ATP11A: variants seen among roughly 807,000 people sequenced by gnomAD.
ATP11A encodes ATPase phospholipid transporting 11A, also known as phospholipid-transporting ATPase IH.
ATP11A carries 81 observed loss-of-function variants against 154.4 expected under a neutral mutation model. That is an observed-to-expected ratio of 0.52 (90% CI 0.44 to 0.63). The LOEUF is 0.63. Among genes scored for constraint, ATP11A ranks in the 30% least tolerant of loss-of-function variants. The probability of loss-of-function intolerance (pLI) is 0.00; values close to 1 mark genes in which losing one functional copy is unlikely to be tolerated. For missense variants in ATP11A, 1,316 were observed against 1,474.3 expected (o/e 0.89, Z 1.76); for synonymous variants, 623 against 585.9 (o/e 1.06, Z -0.91).
At position 112,785,267 on chromosome 13, in the gene ATP11A, C is replaced by A; in HGVS notation, c.162+10C>A. On this transcript the variant is annotated intron_variant, in intron 2 of 29. Coordinates refer to ENST00000375645, the MANE Select transcript of ATP11A (RefSeq NM_015205.3). The surrounding 1 kb of genome is among the most constrained non-coding windows in gnomAD (Gnocchi z 4.8). ...GATCGTCTCGTCCAAGGTAACTTGG[C>A]TTGGGTCTGAGTGTCCATAATGTGT... 6.7e-7 allele frequency: 1 copy of A among 1,501,644 alleles called. No homozygotes were observed. Among genetic ancestry groups the A allele is most frequent in the Non-Finnish European group, 8.9e-7 (1 of 1,124,476 alleles). 93.0% of individuals were successfully genotyped at this position (1,501,644 alleles called of 1,614,324 possible).
At chr13:112,850,897 A>T in intron 17 of ATP11A, 140 bp from the exon 18 acceptor site, 1 of 692,656 alleles carries the variant, frequency 1.4e-6, no homozygotes, top group Non-Finnish European at 2.5e-6. Context: ...TTGTTTACTT[A>T]GTACTGTAAG....
At chr13:112,805,692 G>T (rs1196985668) in intron 3 of ATP11A, among the ~76,000 whole-genome samples, 1 of 142,538 alleles carries the variant, frequency 7.0e-6, no homozygotes, top group Non-Finnish European at 1.5e-5. Flanking sequence ...AAAAAAAAGA[G>T]AAAGAAAAAG....
intron 2 of ATP11A, among the ~76,000 whole-genome samples, chr13:112,799,372 T>TG (rs1402858271): frequency 1.3e-5 from 2 of 152,150 alleles, no homozygotes; most frequent in African/African-American, 4.8e-5. Flanking sequence ...TTTATTCACT[T>TG]GGATGCAAGT....
intron 3 of ATP11A, among the ~76,000 whole-genome samples, chr13:112,805,686 A>G (rs1346501061): frequency 6.6e-6 from 1 of 151,792 alleles, no homozygotes; most frequent in African/African-American, 2.4e-5. Context: ...AAAAAAAAAA[A>G]AAAGAGAAAG....
At chr13:112,858,475 A>C (rs1016881268) in intron 22 of ATP11A, 185 bp downstream of exon 22, 7 of 607,678 alleles carry the variant, frequency 1.2e-5, no homozygotes, top group Non-Finnish European at 1.6e-5. Flanking sequence ...TGCTTTTTAC[A>C]GTTTCCATTA....
At chr13:112,749,636 T>C (rs1435362035) in intron 1 of ATP11A, among the ~76,000 whole-genome samples, 1 of 152,258 alleles carries the variant, frequency 6.6e-6, no homozygotes, top group Non-Finnish European at 1.5e-5. Context: ...GTGGATACTG[T>C]GTTAGGAAGA....
rs940507362 is a variant in ATP11A, at chr13:112,885,836, C to G, written c.*3970C>G. Reference sequence around the variant, plus strand: ...CATGCCTCCCTGGGATGAAGAGTCCCCCTCCTGGCAGAATGTCTGGGCTTT... The same window carrying G: ...CATGCCTCCCTGGGATGAAGAGTCCGCCTCCTGGCAGAATGTCTGGGCTTT... On this transcript the variant is annotated 3_prime_UTR_variant, in exon 30 of 30. Coordinates refer to ENST00000375645, the MANE Select transcript of ATP11A (RefSeq NM_015205.3). 7.2e-5 allele frequency: 11 copies of G among 152,324 alleles called. No individual in the cohort carries two copies. Among genetic ancestry groups the G allele is most frequent in the African/African-American group, 2.4e-4 (10 of 41,478 alleles). 9.4% of individuals were successfully genotyped at this position (152,324 alleles called of 1,614,324 possible).
intron 29 of ATP11A, 133 bp downstream of exon 29, chr13:112,878,436 C>T (rs1282853592): frequency 3.5e-6 from 3 of 848,886 alleles, no homozygotes; most frequent in African/African-American, 1.7e-5. Flanking sequence ...AGCCTCACGT[C>T]GGGAAGTCCC....
chr13:112,755,020 G>T, intron 1 of ATP11A, among the ~76,000 whole-genome samples: 1 of 152,230 alleles, frequency 6.6e-6, no homozygotes, highest in East Asian at 1.9e-4. Context: ...AGTGCCAGCT[G>T]TGCCCTAGTA....
At chr13:112,719,319 G>A (rs1365567041) in intron 1 of ATP11A, among the ~76,000 whole-genome samples, 1 of 152,188 alleles carries the variant, frequency 6.6e-6, no homozygotes, top group Non-Finnish European at 1.5e-5. Context: ...AAGACTCAAT[G>A]CCTTGCATGC....
intron 6 of ATP11A, among the ~76,000 whole-genome samples, chr13:112,817,521 G>T (rs2078677351): frequency 6.6e-6 from 1 of 152,192 alleles, no homozygotes; most frequent in Admixed American, 6.5e-5. Context: ...GCGGGTGTTG[G>T]TCCCTCTGGA....
chr13:112,726,874 A>C lies in ATP11A; in HGVS notation c.39+36419A>C, dbSNP rs184107420. ...CTACTGTAGGTCCTCTGAATAAATA[A>C]TTGTAAAGACATCTTCCTTGGGACA... On this transcript the variant is annotated intron_variant, in intron 1 of 29. Transcript: ENST00000375645. Among the ~76,000 whole-genome samples the C allele has an allele frequency of 9.9e-4, 151 of 152,340 alleles. 2 individuals carry two copies. Among genetic ancestry groups the C allele is most frequent in the African/African-American group, 3.3e-3 (137 of 41,584 alleles).
chr13:112,821,518 C>T (rs1013320932), intron 8 of ATP11A, among the ~76,000 whole-genome samples: 2 of 152,108 alleles, frequency 1.3e-5, no homozygotes, highest in Non-Finnish European at 2.9e-5. Flanking sequence ...TTTGCCATGT[C>T]GGTCAAGCTA....
In ATP11A at chr13:112,883,168, C is replaced by T. The variant is rs889892910; in HGVS notation, c.*1302C>T. The T allele has an allele frequency of 2.5e-6, 1 of 398,556 alleles. No individual in the cohort carries two copies. Among genetic ancestry groups the T allele is most frequent in the Admixed American group, 4.4e-5 (1 of 22,718 alleles). The allele number at this position is 398,556 out of a possible 1,614,324, so 24.7% of individuals were successfully genotyped here. ...TCCCCTTGTCCCGTCCCCACATACC[C>T]TCGTCCCCATGTCCCCACGCAGGGC... On this transcript the variant is annotated 3_prime_UTR_variant, in exon 30 of 30. Coordinates refer to ENST00000375645, the MANE Select transcript of ATP11A (RefSeq NM_015205.3).
rs972709860 is a variant in ATP11A at position 112,697,488 on chromosome 13, G to T, written c.39+7033G>T. Among the ~76,000 whole-genome samples the T allele has an allele frequency of 6.6e-6, 1 of 152,146 alleles. No homozygotes were observed. The highest frequency in any genetic ancestry group is 2.4e-5 in the African/African-American group (1 of 41,426). On this transcript the variant is annotated intron_variant, in intron 1 of 29. Transcript: ENST00000375645. The surrounding 1 kb of genome is among the most constrained non-coding windows in gnomAD (Gnocchi z 4.0). ...GGAAGGGAATTCAGGGAGAGCAGCCGCAGTGCCCTGTCCCCAGAGCCTGGT... is the reference window on the plus strand; with the variant it reads ...GGAAGGGAATTCAGGGAGAGCAGCCTCAGTGCCCTGTCCCCAGAGCCTGGT...
chr13:112,834,186 G>C (rs2079171320), intron 14 of ATP11A, among the ~76,000 whole-genome samples: 2 of 152,224 alleles, frequency 1.3e-5, no homozygotes, highest in Non-Finnish European at 2.9e-5. Context: ...TGGTGTGGGG[G>C]TAACAGCCTC....
At chr13:112,709,976 C>T (rs1887558608) in intron 1 of ATP11A, among the ~76,000 whole-genome samples, 1 of 152,258 alleles carries the variant, frequency 6.6e-6, no homozygotes, top group African/African-American at 2.4e-5. Context: ...TGATGCTGCC[C>T]ACATCCCACA....
chr13:112,868,390 T>G (rs1397287894), intron 25 of ATP11A, among the ~76,000 whole-genome samples: 1 of 152,200 alleles, frequency 6.6e-6, no homozygotes, highest in Admixed American at 6.5e-5. Context: ...GCAGAAAGCT[T>G]CTATAGGAAT....
At chr13:112,737,288 G>A (rs282600) in intron 1 of ATP11A, among the ~76,000 whole-genome samples, 37,124 of 152,092 alleles carry the variant, frequency 0.24, 6,069 homozygotes, top group African/African-American at 0.46. Flanking sequence ...TCAGATGCTG[G>A]TGATGCTGTG....
Sources: gnomAD v4.1 joint callset for allele counts (sites outside exome capture counted in the v4.1 genomes callset) on GRCh38, gnomAD v4.1.1 for gene constraint, Gnocchi (gnomAD v3.1) non-coding constraint, MANE v1.5 for transcripts, NCBI Gene and HGNC (gene_info 2026-07-23, HGNC 2026-07-21) for gene names.